The following RPS6 variants were observed in gnomAD, a reference collection of about 807,000 sequenced individuals.
The protein encoded by RPS6 is small ribosomal subunit protein eS6.
RPS6 carries 1 observed loss-of-function variant against 27.1 expected under a neutral mutation model. That is an observed-to-expected ratio of 0.04 (90% CI 0.01 to 0.18). The LOEUF (loss-of-function observed/expected upper bound fraction) is 0.18, where lower values mean the gene tolerates loss of function less well. Ranked by LOEUF, RPS6 falls within the 10% of genes least tolerant of loss-of-function variation. The pLI is 1.00. For missense variants in RPS6, 259 were observed against 319.1 expected, an observed-to-expected ratio of 0.81 and a Z score of 1.44; for synonymous variants, 152 against 106.0, an observed-to-expected ratio of 1.43 and a Z score of -2.66.
At chr9:19,378,003 T>C (rs1829617757) in intron 4 of RPS6, among the ~76,000 whole-genome samples, 1 of 152,174 alleles carries the variant, frequency 6.6e-6, no homozygotes, top group Non-Finnish European at 1.5e-5. Context: ...AAAATATTAA[T>C]AATTTAGAAC....
intron 1 of RPS6, 37 bp from the exon 2 acceptor site, chr9:19,379,655 A>G (rs1421668459): frequency 3.1e-6 from 5 of 1,590,508 alleles, no homozygotes; most frequent in African/African-American, 1.3e-5. Context: ...TTACGAAACT[A>G]TCTATACAGG....
At chr9:19,376,457 G>C (rs747354219) in intron 5 of RPS6, 37 bp downstream of exon 5, 2 of 1,612,374 alleles carry the variant, frequency 1.2e-6, no homozygotes, top group Admixed American at 1.7e-5. Context: ...AAGCCAGGTC[G>C]AACTCCTCCC....
intron 1 of RPS6, chr9:19,379,864 C>T (rs1829650344): frequency 2.1e-6 from 3 of 1,424,222 alleles, no homozygotes; most frequent in African/African-American, 1.4e-5. Flanking sequence ...GGGCACTCCG[C>T]AGCCGTTCAC....
At chr9:19,379,805 TCAG>T in intron 1 of RPS6, 187 bp from the exon 2 acceptor site, 2 of 1,433,728 alleles carry the variant, frequency 1.4e-6, no homozygotes, top group South Asian at 3.0e-5. Context: ...AGCGCCGCAC[TCAG>T]CAGGACGTTT....
At chr9:19,378,635 T>G (rs1589013457) in intron 3 of RPS6, 73 bp downstream of exon 3, 1 of 1,579,890 alleles carries the variant, frequency 6.3e-7, no homozygotes, top group East Asian at 2.2e-5. Context: ...GTCTGGATAC[T>G]GCAAATGAAT....
At chr9:19,378,982 T>G in intron 2 of RPS6, 64 bp from the exon 3 acceptor site, 2 of 1,481,120 alleles carry the variant, frequency 1.4e-6, no homozygotes, top group Non-Finnish European at 1.9e-6. Flanking sequence ...CAGTACAGGA[T>G]TGTGACCTCT....
intron 2 of RPS6, 24 bp from the exon 3 acceptor site, chr9:19,378,942 C>G (rs779481508): frequency 1.9e-6 from 3 of 1,606,266 alleles, no homozygotes; most frequent in Non-Finnish European, 2.6e-6. Context: ...CAATGAATGA[C>G]ACATTTACTA....
intron 4 of RPS6, 42 bp from the exon 5 acceptor site, chr9:19,376,693 T>A: frequency 6.4e-7 from 1 of 1,574,458 alleles, no homozygotes; most frequent in Non-Finnish European, 8.6e-7. Flanking sequence ...ATTTGTTTTG[T>A]TAGAATCCAC....
chr9:19,379,811 G>A lies in RPS6; in HGVS notation c.7-193C>T, dbSNP rs958821475. The A allele has an allele frequency of 4.2e-6, 6 of 1,432,238 alleles. No homozygotes were observed. The African/African-American group carries it at 4.3e-5, about 10-fold the overall frequency. 88.7% of individuals were successfully genotyped at this position (1,432,238 alleles called of 1,614,324 possible). A position where few individuals can be genotyped will look rare whatever the true frequency, so the allele number is the denominator to read the frequency against. On this transcript the variant is annotated intron_variant, in intron 1 of 5. Coordinates refer to ENST00000380394, the MANE Select transcript of RPS6 (RefSeq NM_001010.3). ...CAGTCAAGAAGCGCCGCACTCAGCAGGACGTTTTCCCCTCAAGCCCCGCGG... is the reference window on the plus strand; with the variant it reads ...CAGTCAAGAAGCGCCGCACTCAGCAAGACGTTTTCCCCTCAAGCCCCGCGG...
At position 19,378,859 on chromosome 9, in the gene RPS6, A is replaced by T. The variant is rs772074797; in HGVS notation, c.198T>A (p.Gly66=). ...NDKQGFPMKQ[G]VLTHGRVRLL... ...GGCGGACACGGCCATGGGTCAAGACACCCTGCTTCATGGGGAAACCTTGTT... is the reference window on the plus strand; with the variant it reads ...GGCGGACACGGCCATGGGTCAAGACTCCCTGCTTCATGGGGAAACCTTGTT... Residue 66 remains glycine, a synonymous_variant, in exon 3 of 6, where the codon GGT becomes GGA. Transcript: ENST00000380394. The T allele has an allele frequency of 6.2e-7, 1 of 1,614,134 alleles. No homozygotes were observed. Among genetic ancestry groups the T allele is most frequent in the East Asian group, 2.2e-5 (1 of 44,880 alleles).
rs755646427 is a variant in RPS6 at position 19,380,187 on chromosome 9, T to A, written c.6+3A>T. 1 of 1,614,080 alleles carries A rather than the reference T, an allele frequency of 6.2e-7. No individual in the cohort carries two copies. Among genetic ancestry groups the A allele is most frequent in the Non-Finnish European group, 8.5e-7 (1 of 1,180,004 alleles). On this transcript the variant is annotated splice_donor_region_variant and intron_variant, in intron 1 of 5. Transcript: ENST00000380394. ...CAGTCTAACACTCGCCACCATCACCTACCTTCATCTTGAAGCAGCTGAACG... is the reference window on the plus strand; with the variant it reads ...CAGTCTAACACTCGCCACCATCACCAACCTTCATCTTGAAGCAGCTGAACG...
In RPS6 at chr9:19,376,391, AAAC is replaced by A; in HGVS notation, c.655-6_655-4del. 1 of 1,613,464 alleles carries A rather than the reference AAAC, an allele frequency of 6.2e-7. No individual in the cohort carries two copies. Among genetic ancestry groups the A allele is most frequent in the South Asian group, 1.1e-5 (1 of 90,994 alleles). On this transcript the variant is annotated splice_polypyrimidine_tract_variant and splice_region_variant and intron_variant, in intron 5 of 5. Coordinates refer to ENST00000380394, the MANE Select transcript of RPS6 (RefSeq NM_001010.3). ...TCCTGGCGCTTCTCCTTAGCCTCCT[AAAC>A]AAAACAAAACAGCAAACAGTTAAGG...
Position 19,376,364 on chromosome 9 carries a change from G to T in RPS6, c.679C>A (p.Gln227Lys). The part of the protein sequence containing the change: ...MKEAKEKRQE[Q>K]IAKRRRLSSL... The stretch of plus-strand genomic sequence containing the variant: ...GAAAGTCTGCGTCTCTTCGCAATTT[G>T]TTCCTGGCGCTTCTCCTTAGCCTCC... The change falls in exon 6 of 6, where the codon CAA becomes AAA. Residue 227 changes from glutamine (Q) to lysine (K), a missense_variant. Physicochemically the swap from Gln to Lys is moderately conservative, Grantham distance 53. Transcript: ENST00000380394. 6.2e-7 allele frequency: 1 copy of T among 1,614,132 alleles called. No individual in the cohort carries two copies. Among genetic ancestry groups the T allele is most frequent in the South Asian group, 1.1e-5 (1 of 91,080 alleles).
chr9:19,376,422 T>A (rs1266249399), intron 5 of RPS6, 34 bp from the exon 6 acceptor site: 30 of 1,612,770 alleles, frequency 1.9e-5, no homozygotes, highest in Admixed American at 1.0e-4. Flanking sequence ...AGTTAAGGCC[T>A]TTCTGGGTTA....
chr9:19,376,780 A>G, intron 4 of RPS6, 129 bp from the exon 5 acceptor site: 4 of 782,098 alleles, frequency 5.1e-6, no homozygotes, highest in Non-Finnish European at 7.7e-6. Flanking sequence ...CTTTAAAATC[A>G]AATCAGAACT....
intron 2 of RPS6, 33 bp from the exon 3 acceptor site, chr9:19,378,951 T>A: frequency 6.3e-7 from 1 of 1,596,532 alleles, no homozygotes; most frequent in Non-Finnish European, 8.6e-7. Context: ...ACACATTTAC[T>A]ATTTCTATTC....
chr9:19,376,026 CCATGCCATT>C lies in RPS6; in HGVS notation c.*258_*266del. 3.0e-6 allele frequency: 1 copy of C among 329,938 alleles called. No homozygotes were observed. The highest frequency in any genetic ancestry group is 5.2e-5 in the East Asian group (1 of 19,268). 20.4% of individuals were successfully genotyped at this position (329,938 alleles called of 1,614,324 possible). ...TAGTCCTCATCATTTCCCCTAAGTT[CCATGCCATT>C]CTGAAGAGGCAGGTGTCTTATGCTC... On this transcript the variant is annotated 3_prime_UTR_variant, in exon 6 of 6. Transcript: ENST00000380394.
intron 2 of RPS6, chr9:19,379,231 A>T: frequency 7.7e-7 from 1 of 1,307,050 alleles, no homozygotes; most frequent in South Asian, 1.6e-5. Flanking sequence ...GATTATGAGG[A>T]CAGCTATGTG....
rs1829630062 is a variant in RPS6 at position 19,378,750 on chromosome 9, C to A, written c.307G>T (p.Asp103Tyr). 6.2e-7 allele frequency: 1 copy of A among 1,614,116 alleles called. No individual in the cohort carries two copies. Among genetic ancestry groups the A allele is most frequent in the East Asian group, 2.2e-5 (1 of 44,892 alleles). ...AAGTTGAGAACGCTCAGATTTGCAT[C>A]CACAATGCAACCACGAACTGATTTT... is the stretch of plus-strand genomic sequence containing the variant. ...KRKSVRGCIV[D>Y]ANLSVLNLVI... Residue 103 changes from aspartate to tyrosine, a missense_variant, in exon 3 of 6, where the codon GAT (aspartate) becomes TAT (tyrosine). Around this residue, in one of 3 missense-constraint regions of RPS6, gnomAD observed 191 missense variants for 231.6 expected, o/e 0.82. Coordinates refer to ENST00000380394, the MANE Select transcript of RPS6 (RefSeq NM_001010.3).
Sources: gnomAD v4.1 joint callset for allele counts (sites outside exome capture counted in the v4.1 genomes callset) on GRCh38, gnomAD v4.1.1 for gene constraint, gnomAD v4.1.1 regional missense constraint, MANE v1.5 for transcripts, NCBI Gene and HGNC (gene_info 2026-07-23, HGNC 2026-07-21) for gene names.